The following HDAC9 variants were observed in gnomAD, a reference collection of about 807,000 sequenced individuals.
The protein encoded by HDAC9 is MEF-2 interacting transcription repressor (MITR) protein.
A neutral mutation model predicts 139.4 loss-of-function variants in HDAC9; 41 were observed. The ratio of observed to expected loss-of-function variants is 0.29; its 90% CI spans 0.23 to 0.38. The LOEUF is 0.38. Ranked by LOEUF, HDAC9 falls within the 10% of genes least tolerant of loss-of-function variation. The pLI is 1.00. For synonymous variants in HDAC9, 517 were observed against 476.2 expected (o/e 1.09, Z -1.12); for missense variants, 1,147 against 1,297.0 (o/e 0.88, Z 1.78).
At chr7:18,973,744 A>G (rs925719470) in intron 24 of HDAC9, among the ~76,000 whole-genome samples, 2 of 151,802 alleles carry the variant, frequency 1.3e-5, no homozygotes, top group African/African-American at 4.8e-5. Context: ...TACATTTTCA[A>G]CCTCCCAAAT....
chr7:18,258,490 C>T lies in HDAC9; in HGVS notation c.25+96141C>T, dbSNP rs115005351. Among the ~76,000 whole-genome samples the T allele has an allele frequency of 6.7e-3, 1,025 of 152,248 alleles. 11 individuals are homozygous for T. Among genetic ancestry groups the T allele is most frequent in the African/African-American group, 0.023 (967 of 41,532 alleles). Reference sequence around the variant, plus strand: ...CTTTTGTCCCTTACCCCAGTCCCACCCTTTTTCCCAAGTCCCCAGAGTCCA... The same window carrying T: ...CTTTTGTCCCTTACCCCAGTCCCACTCTTTTTCCCAAGTCCCCAGAGTCCA... On this transcript the variant is annotated intron_variant, in intron 2 of 12. Coordinates refer to the HDAC9 transcript ENST00000417496.
intron 2 of HDAC9, among the ~76,000 whole-genome samples, chr7:18,510,478 A>T (rs542067321): frequency 6.6e-6 from 1 of 152,062 alleles, no homozygotes; most frequent in East Asian, 1.9e-4. Context: ...CCCTTCTCCT[A>T]TGTTTTTATG....
At chr7:18,824,044 G>GGAAGAAGAAGAAGAAGAAGAAGAAGAA (rs1554367872) in intron 17 of HDAC9, among the ~76,000 whole-genome samples, 60 of 67,152 alleles carry the variant, frequency 8.9e-4, no homozygotes, top group Middle Eastern at 7.6e-3. Context: ...AAGAGGAAGA[G>GGAAGAAGAAGAAGAAGAAGAAGAAGAA]GAAGAAGAAG....
At chr7:18,805,773 G>A (rs1196250811) in intron 17 of HDAC9, among the ~76,000 whole-genome samples, 1 of 152,180 alleles carries the variant, frequency 6.6e-6, no homozygotes, top group Non-Finnish European at 1.5e-5. Flanking sequence ...GTGACTGAAG[G>A]CCTTTGAAGA....
intron 22 of HDAC9, among the ~76,000 whole-genome samples, chr7:18,914,754 G>A (rs1470783088): frequency 7.2e-6 from 1 of 138,814 alleles, no homozygotes; most frequent in Non-Finnish European, 1.6e-5. Context: ...GTCACTGTAA[G>A]TGTATTAAAG....
intron 1 of HDAC9, among the ~76,000 whole-genome samples, chr7:18,423,122 A>G (rs1051470133): frequency 6.6e-6 from 1 of 152,224 alleles, no homozygotes; most frequent in Non-Finnish European, 1.5e-5. Flanking sequence ...TTACAGTCCA[A>G]TTACCTAGAA....
At chr7:18,169,061 C>A (rs1247796243) in intron 2 of HDAC9, among the ~76,000 whole-genome samples, 1 of 151,758 alleles carries the variant, frequency 6.6e-6, no homozygotes, top group Non-Finnish European at 1.5e-5. Flanking sequence ...CCTCAGTCTC[C>A]CAAGTAACTG....
intron 25 of HDAC9, among the ~76,000 whole-genome samples, chr7:18,989,308 C>A (rs1785655842): frequency 6.6e-6 from 1 of 151,558 alleles, no homozygotes; most frequent in Non-Finnish European, 1.5e-5. Context: ...TATTTAATTT[C>A]TCCTTCACTT....
intron 6 of HDAC9, among the ~76,000 whole-genome samples, chr7:18,625,994 A>G (rs1443025445): frequency 1.3e-5 from 2 of 150,912 alleles, no homozygotes; most frequent in Non-Finnish European, 2.9e-5. Context: ...GACTATATTA[A>G]TCAGGATCCT....
intron 1 of HDAC9, among the ~76,000 whole-genome samples, chr7:18,158,583 T>C (rs1385842768): frequency 6.6e-6 from 1 of 151,864 alleles, no homozygotes; most frequent in Non-Finnish European, 1.5e-5. Context: ...CCTGAACCTC[T>C]TTACACCTCA....
intron 1 of HDAC9, among the ~76,000 whole-genome samples, chr7:18,405,320 C>A (rs906828434): frequency 6.6e-6 from 1 of 152,128 alleles, no homozygotes; most frequent in Non-Finnish European, 1.5e-5. Context: ...AATATAACTC[C>A]AATTTCTAAG....
chr7:18,278,973 T>G lies in HDAC9; in HGVS notation c.25+116624T>G, dbSNP rs555662662. Among the ~76,000 whole-genome samples the G allele has an allele frequency of 4.6e-5, 7 of 152,344 alleles. No individual in the cohort carries two copies. The East Asian group carries it at 1.3e-3, about 29-fold the overall frequency. ...GGATCTGGAAATTCAGAAACACAGA[T>G]ACGGACGTTTGGGGAATTTTAAAGT... On this transcript the variant is annotated intron_variant, in intron 2 of 12. Transcript: ENST00000417496.
chr7:18,739,477 C>T (rs183075301), intron 13 of HDAC9, among the ~76,000 whole-genome samples: 26 of 151,540 alleles, frequency 1.7e-4, no homozygotes, highest in African/African-American at 6.3e-4. Flanking sequence ...GATGTTGATG[C>T]TATTCCTTTC....
intron 1 of HDAC9, among the ~76,000 whole-genome samples, chr7:18,422,994 C>A (rs914044449): frequency 2.0e-5 from 3 of 152,158 alleles, no homozygotes; most frequent in Non-Finnish European, 4.4e-5. Context: ...GCTACACATG[C>A]ATCAGTTTTC....
intron 2 of HDAC9, among the ~76,000 whole-genome samples, chr7:18,252,711 A>G (rs920224070): frequency 1.1e-5 from 1 of 93,312 alleles, no homozygotes; most frequent in African/African-American, 3.7e-5. Flanking sequence ...ACCTGAAATC[A>G]CATACTTTTT....
At chr7:18,903,030 G>C (rs551255413) in intron 22 of HDAC9, among the ~76,000 whole-genome samples, 1 of 152,204 alleles carries the variant, frequency 6.6e-6, no homozygotes. Context: ...TTATGTAGGG[G>C]AATATGAACA....
intron 2 of HDAC9, among the ~76,000 whole-genome samples, chr7:18,222,605 A>C (rs1162817671): frequency 2.0e-5 from 3 of 152,158 alleles, no homozygotes; most frequent in Middle Eastern, 3.2e-3. Context: ...ACCACTGATT[A>C]CAGTTTAACA....
Position 18,744,084 on chromosome 7 carries a change from A to G in HDAC9, c.1910-4921A>G, listed in dbSNP as rs538711446. ...CAGGCTGGAGTGCAACAGCACTCCCAGGTTCAAGCGATCCTCCTGCCTCAG... is the reference window on the plus strand; with the variant it reads ...CAGGCTGGAGTGCAACAGCACTCCCGGGTTCAAGCGATCCTCCTGCCTCAG... On this transcript the variant is annotated intron_variant, in intron 13 of 25. Coordinates refer to ENST00000686413, the MANE Select transcript of HDAC9 (RefSeq NM_178425.4). Among the ~76,000 whole-genome samples, 262 of 138,738 alleles carry G rather than the reference A, an allele frequency of 1.9e-3. 1 individual carries two copies. Among genetic ancestry groups the G allele is most frequent in the Non-Finnish European group, 3.2e-3 (215 of 66,268 alleles). 91.0% of individuals were successfully genotyped at this position (138,738 alleles called of 152,430 possible).
chr7:18,495,933 G>GTTC lies in HDAC9; in HGVS notation c.-131_-129dup, dbSNP rs1482708766. On this transcript the variant is annotated 5_prime_UTR_variant, in exon 1 of 26. Transcript: ENST00000686413. ...TGACAAAGAAATAACCCCGAAGCAC[G>GTTC]TTCCTATTTCCCACCTGCTTGTAGT... is the stretch of plus-strand genomic sequence containing the variant. 6 of 1,235,446 alleles carry GTTC rather than the reference G, an allele frequency of 4.9e-6. No individual in the cohort carries two copies. Among genetic ancestry groups the GTTC allele is most frequent in the Non-Finnish European group, 6.1e-6 (6 of 990,020 alleles). The allele number at this position is 1,235,446 out of a possible 1,614,324, so 76.5% of individuals were successfully genotyped here. A position where few individuals can be genotyped will look rare whatever the true frequency, so the allele number is the denominator to read the frequency against.
Sources: allele counts gnomAD v4.1 joint callset (sites outside exome capture counted in the v4.1 genomes callset), GRCh38; gene constraint gnomAD v4.1.1; transcripts MANE v1.5; gene names NCBI Gene and HGNC (gene_info 2026-07-23, HGNC 2026-07-21).